RELN: variants seen among roughly 807,000 people sequenced by gnomAD.
RELN encodes the protein reelin.
A neutral mutation model predicts 427.6 loss-of-function variants in RELN; 108 were observed. The observed-to-expected ratio is 0.25, with a 90% confidence interval of 0.22 to 0.30. The LOEUF is 0.30. Among genes scored for constraint, RELN ranks in the 10% least tolerant of loss-of-function variants. The pLI, the probability that RELN is intolerant of heterozygous loss-of-function variation, is 1.00. For missense variants in RELN, 3,715 were observed against 4,302.8 expected, an observed-to-expected ratio of 0.86 and a Z score of 3.82; for synonymous variants, 1,524 against 1,513.4, an observed-to-expected ratio of 1.01 and a Z score of -0.16.
chr7:103,925,027 C>T (rs551498860), intron 1 of RELN, among the ~76,000 whole-genome samples: 27 of 115,356 alleles, frequency 2.3e-4, no homozygotes, highest in Admixed American at 2.0e-3. Flanking sequence ...CACACACACA[C>T]ACACACACAC....
chr7:103,507,932 A>G (rs1352800804), intron 51 of RELN, among the ~76,000 whole-genome samples: 1 of 152,244 alleles, frequency 6.6e-6, no homozygotes, highest in Non-Finnish European at 1.5e-5. Context: ...TAGAAAATCT[A>G]GAAGAAATGG....
chr7:103,501,506 G>A (rs1829028657), intron 52 of RELN, among the ~76,000 whole-genome samples: 1 of 151,976 alleles, frequency 6.6e-6, no homozygotes, highest in Non-Finnish European at 1.5e-5. Context: ...CTGTCTTCTG[G>A]GGGAAAAAAC....
intron 40 of RELN, among the ~76,000 whole-genome samples, chr7:103,552,827 G>A (rs1250718699): frequency 6.6e-6 from 1 of 151,964 alleles, no homozygotes; most frequent in Non-Finnish European, 1.5e-5. Flanking sequence ...AGGTGCTAAA[G>A]ATGTCATCTT....
intron 1 of RELN, among the ~76,000 whole-genome samples, chr7:103,925,866 C>A (rs1407447982): frequency 6.6e-6 from 1 of 152,048 alleles, no homozygotes; most frequent in Non-Finnish European, 1.5e-5. Flanking sequence ...ATAAAATACA[C>A]GGATGCCTAG....
chr7:103,875,906 C>A (rs1429879316), intron 2 of RELN, among the ~76,000 whole-genome samples: 1 of 152,000 alleles, frequency 6.6e-6, no homozygotes, highest in African/African-American at 2.4e-5. Flanking sequence ...AGGCTTAGGG[C>A]ATAATTCATA....
At chr7:103,837,190 G>A (rs1341086831) in intron 2 of RELN, among the ~76,000 whole-genome samples, 1 of 151,974 alleles carries the variant, frequency 6.6e-6, no homozygotes, top group African/African-American at 2.4e-5. Flanking sequence ...CTCTTCACAG[G>A]TCTCTCTGTC....
intron 3 of RELN, among the ~76,000 whole-genome samples, chr7:103,809,038 G>A (rs1279580886): frequency 6.6e-6 from 1 of 152,128 alleles, no homozygotes. Context: ...CCAAACAAGT[G>A]TAAAGAACAA....
intron 1 of RELN, among the ~76,000 whole-genome samples, chr7:103,975,124 G>C (rs1444952743): frequency 1.3e-5 from 2 of 152,162 alleles, no homozygotes; most frequent in Non-Finnish European, 2.9e-5. Flanking sequence ...TGTTATCACA[G>C]GTTCAAAGCC....
At chr7:103,748,775 A>G (rs1483206321) in intron 6 of RELN, among the ~76,000 whole-genome samples, 1 of 152,224 alleles carries the variant, frequency 6.6e-6, no homozygotes, top group Non-Finnish European at 1.5e-5. Context: ...TCCAAACAAA[A>G]AACATTTAGT....
intron 8 of RELN, among the ~76,000 whole-genome samples, chr7:103,712,480 G>A (rs990247522): frequency 6.6e-6 from 1 of 152,170 alleles, no homozygotes; most frequent in South Asian, 2.1e-4. Flanking sequence ...GAGGTTAGAT[G>A]AATTCTATAA....
At chr7:103,807,505 G>T (rs528336587) in intron 3 of RELN, among the ~76,000 whole-genome samples, 2 of 152,176 alleles carry the variant, frequency 1.3e-5, no homozygotes, top group African/African-American at 2.4e-5. Context: ...GTGCAGGTTT[G>T]TCACATGGGT....
chr7:103,740,088 C>T (rs1790603301), intron 6 of RELN, among the ~76,000 whole-genome samples: 1 of 152,074 alleles, frequency 6.6e-6, no homozygotes. Flanking sequence ...CTCATTCTAC[C>T]TTCTACCTTT....
At chr7:103,489,679 T>C (rs575424234) in intron 60 of RELN, 63 bp downstream of exon 60, 2 of 1,572,256 alleles carry the variant, frequency 1.3e-6, no homozygotes, top group Admixed American at 3.6e-5. Flanking sequence ...CTTTTGTATA[T>C]ATGTTAAGAT....
At chr7:103,882,931 C>T (rs1410678561) in intron 2 of RELN, among the ~76,000 whole-genome samples, 2 of 152,168 alleles carry the variant, frequency 1.3e-5, no homozygotes, top group African/African-American at 2.4e-5. Context: ...CCCTAACTCA[C>T]TTTATGAGGC....
intron 19 of RELN, among the ~76,000 whole-genome samples, chr7:103,630,860 G>GT (rs1224190919): frequency 0.34 from 44,849 of 133,696 alleles, 7,415 homozygotes; most frequent in South Asian, 0.42. Flanking sequence ...TGTTTTTTTT[G>GT]TTTTTTTTTT....
chr7:103,896,613 C>A (rs138467050), intron 2 of RELN, among the ~76,000 whole-genome samples: 3 of 152,006 alleles, frequency 2.0e-5, no homozygotes, highest in African/African-American at 7.2e-5. Context: ...TGAGAGGTGA[C>A]AGAGGAGAGA....
chr7:103,603,526 G>C lies in RELN; in HGVS notation c.3147-36C>G, dbSNP rs750994807. 1.3e-6 allele frequency: 2 copies of C among 1,509,408 alleles called. No individual in the cohort carries two copies. Among genetic ancestry groups the C allele is most frequent in the Non-Finnish European group, 9.2e-7 (1 of 1,085,356 alleles). 93.5% of individuals were successfully genotyped at this position (1,509,408 alleles called of 1,614,324 possible). A position where few individuals can be genotyped will look rare whatever the true frequency, so the allele number is the denominator to read the frequency against. On this transcript the variant is annotated intron_variant, in intron 23 of 64. Transcript: ENST00000428762. The surrounding 1 kb of genome is among the most constrained non-coding windows in gnomAD (Gnocchi z 4.3). The stretch of plus-strand genomic sequence containing the variant: ...GCAGGGCTGAGTAGGCAGGTTACAG[G>C]CCCACCTGCCAATGCAATGGCCCTC...
intron 8 of RELN, among the ~76,000 whole-genome samples, chr7:103,719,975 A>G (rs566126656): frequency 3.8e-4 from 58 of 152,164 alleles, no homozygotes; most frequent in Non-Finnish European, 6.8e-4. Context: ...CTGCATTTTC[A>G]GGATTCTTTG....
intron 2 of RELN, among the ~76,000 whole-genome samples, chr7:103,869,933 CT>C (rs1794289630): frequency 6.6e-6 from 1 of 152,148 alleles, no homozygotes; most frequent in South Asian, 2.1e-4. Context: ...TCTTCAAACT[CT>C]GTCGCATTTG....
Sources: gnomAD v4.1 joint callset for allele counts (sites outside exome capture counted in the v4.1 genomes callset) on GRCh38, gnomAD v4.1.1 for gene constraint, Gnocchi (gnomAD v3.1) non-coding constraint, MANE v1.5 for transcripts, NCBI Gene and HGNC (gene_info 2026-07-23, HGNC 2026-07-21) for gene names.